Variants in ZP3 observed in about 807,000 individuals in gnomAD.
ZP3 encodes the protein zona pellucida glycoprotein 3, also known as zona pellucida sperm-binding protein 3.
In ZP3, 21 loss-of-function variants were observed where a neutral mutation model predicts 35.6. The ratio of observed to expected loss-of-function variants is 0.59; its 90% CI spans 0.42 to 0.85. The LOEUF is 0.85. Among genes scored for constraint, ZP3 ranks in the 40% least tolerant of loss-of-function variants. The pLI, the probability that ZP3 is intolerant of heterozygous loss-of-function variation, is 0.00. For missense variants in ZP3, 437 were observed against 536.5 expected (o/e 0.81, Z 1.83); for synonymous variants, 207 against 214.5 (o/e 0.96, Z 0.31).
chr7:76,400,445 G>A (rs751627418), intron 1 of ZP3: 1 of 1,608,040 alleles, frequency 6.2e-7, no homozygotes, highest in Non-Finnish European at 8.5e-7. Context: ...CGTGGCACGG[G>A]CAGTGCCAGG....
Position 76,413,253 on chromosome 7 carries a change from G to T in ZP3, c.-66-11799G>T, listed in dbSNP as rs138833129. Reference sequence around the variant, plus strand: ...TGGGATTACAGGTGTGAGCCGCTGTGCCTGGCCTCTTCTTTTTTTGAGACA... The same window carrying T: ...TGGGATTACAGGTGTGAGCCGCTGTTCCTGGCCTCTTCTTTTTTTGAGACA... On this transcript the variant is annotated intron_variant, in intron 1 of 8. Transcript: ENST00000336517. Among the ~76,000 whole-genome samples, 906 of 151,904 alleles carry T rather than the reference G, an allele frequency of 6.0e-3. 13 individuals carry two copies. Among genetic ancestry groups the T allele is most frequent in the African/African-American group, 0.021 (871 of 41,422 alleles).
chr7:76,432,855 T>TCTC, intron 2 of ZP3, 72 bp from the exon 3 acceptor site: 1 of 1,312,800 alleles, frequency 7.6e-7, no homozygotes, highest in Non-Finnish European at 1.1e-6. Context: ...AGCAGTGAGA[T>TCTC]ACTCCCCATC....
chr7:76,437,807 G>A (rs1436839161), intron 5 of ZP3, among the ~76,000 whole-genome samples: 1 of 152,124 alleles, frequency 6.6e-6, no homozygotes. Context: ...CCTAGACCCT[G>A]CTTCTAAAAG....
At chr7:76,416,973 T>TATATAA (rs568367143) in intron 1 of ZP3, among the ~76,000 whole-genome samples, 59 of 47,146 alleles carry the variant, frequency 1.3e-3, no homozygotes, top group African/African-American at 3.8e-3. Flanking sequence ...TATATATATA[T>TATATAA]AATTTGGCAT....
intron 2 of ZP3, among the ~76,000 whole-genome samples, chr7:76,431,176 C>T (rs927067540): frequency 2.6e-4 from 40 of 152,146 alleles, no homozygotes; most frequent in African/African-American, 8.7e-4. Context: ...GAGGCTGACT[C>T]GCAGGAGCTA....
At chr7:76,433,413 C>G (rs554602272) in intron 3 of ZP3, 57 bp from the exon 4 acceptor site, 1 of 1,563,968 alleles carries the variant, frequency 6.4e-7, no homozygotes, top group African/African-American at 1.4e-5. Flanking sequence ...CCTCAGCCTC[C>G]CAAGGTGCTG....
chr7:76,427,244 C>T (rs1486732777), intron 1 of ZP3, among the ~76,000 whole-genome samples: 3 of 151,730 alleles, frequency 2.0e-5, no homozygotes, highest in African/African-American at 4.8e-5. Context: ...TGGCCGTGCG[C>T]AGTGGCTCAC....
intron 1 of ZP3, among the ~76,000 whole-genome samples, chr7:76,410,790 T>C (rs993560818): frequency 6.6e-6 from 1 of 151,130 alleles, no homozygotes; most frequent in Non-Finnish European, 1.5e-5. Context: ...AGGTCAGGAG[T>C]TCGAGACCAG....
At chr7:76,397,737 C>T (rs1804687323) in exon 1 of ZP3, 2 of 1,613,200 alleles carry the variant, frequency 1.2e-6, no homozygotes, top group Admixed American at 1.7e-5. Context: ...AGCCCCCAGT[C>T]GTCGTCACAC....
upstream of ZP3, chr7:76,424,760 A>G (rs1805597742): frequency 9.3e-6 from 5 of 536,692 alleles, no homozygotes; most frequent in African/African-American, 1.9e-5. Flanking sequence ...TGCTGTGGTC[A>G]TGCTGGGGTG....
rs1805604846 is a variant in ZP3, at chr7:76,424,977, T to TATA, written c.14_16dup (p.Tyr5_Arg6insAsn). The TATA allele has an allele frequency of 6.5e-7, 1 of 1,542,380 alleles. No homozygotes were observed. Among genetic ancestry groups the TATA allele is most frequent in the Non-Finnish European group, 8.7e-7 (1 of 1,145,768 alleles). Reference sequence around the variant, plus strand: ...CTCTGCAGGTACCATGGAGCTGAGCTATAGGCTCTTCATCTGCCTCCTGCT... The same window carrying TATA: ...CTCTGCAGGTACCATGGAGCTGAGCTATAATAGGCTCTTCATCTGCCTCCTGCT... On this transcript the variant is annotated inframe_insertion, in exon 1 of 8. Transcript: ENST00000394857.
At chr7:76,418,801 A>C (rs1440746882) in intron 1 of ZP3, among the ~76,000 whole-genome samples, 1 of 152,080 alleles carries the variant, frequency 6.6e-6, no homozygotes. Context: ...GCTTGCAATG[A>C]GCGGAGATCG....
intron 2 of ZP3, among the ~76,000 whole-genome samples, chr7:76,430,903 C>T (rs1265196436): frequency 2.0e-5 from 3 of 152,174 alleles, no homozygotes; most frequent in Non-Finnish European, 2.9e-5. Context: ...TGTGGCCACA[C>T]ACCCAACGGG....
chr7:76,415,222 C>T (rs1161296733), intron 1 of ZP3, among the ~76,000 whole-genome samples: 1 of 151,370 alleles, frequency 6.6e-6, no homozygotes, highest in Non-Finnish European at 1.5e-5. Context: ...CTAAATTAGC[C>T]AGGTGTGGTG....
At chr7:76,407,829 C>A (rs114466400) in intron 1 of ZP3, among the ~76,000 whole-genome samples, 33 of 152,328 alleles carry the variant, frequency 2.2e-4, no homozygotes, top group African/African-American at 7.9e-4. Context: ...CTCTCACGTC[C>A]CCTTTTCTTG....
chr7:76,425,624 G>A (rs1044216099), intron 1 of ZP3, among the ~76,000 whole-genome samples: 1 of 152,160 alleles, frequency 6.6e-6, no homozygotes, highest in Admixed American at 6.6e-5. Context: ...AAGGCTGGGG[G>A]CATTAGGAAC....
intron 1 of ZP3, among the ~76,000 whole-genome samples, chr7:76,398,189 T>C (rs1804701706): frequency 6.6e-6 from 1 of 152,162 alleles, no homozygotes; most frequent in Admixed American, 6.6e-5. Context: ...TCTTTGCCTC[T>C]TTCACTGTCC....
chr7:76,424,023 G>A (rs1259271869), upstream of ZP3, among the ~76,000 whole-genome samples: 1 of 151,794 alleles, frequency 6.6e-6, no homozygotes, highest in Non-Finnish European at 1.5e-5. Context: ...CCTACCCCCC[G>A]GCCTCCCATA....
chr7:76,398,895 G>A, intron 1 of ZP3: 1 of 1,214,830 alleles, frequency 8.2e-7, no homozygotes, highest in Admixed American at 2.1e-5. Context: ...TAAGGTGCTT[G>A]CCGCCAGAGC....
Sources: gnomAD v4.1 joint callset for allele counts (sites outside exome capture counted in the v4.1 genomes callset) on GRCh38, gnomAD v4.1.1 for gene constraint, MANE v1.5 for transcripts, NCBI Gene and HGNC (gene_info 2026-07-23, HGNC 2026-07-21) for gene names.